Variants in ADGRL2 observed in about 807,000 individuals in gnomAD.
ADGRL2 encodes the protein adhesion G protein-coupled receptor L2.
A neutral mutation model predicts 157.4 loss-of-function variants in ADGRL2; 44 were observed. The ratio of observed to expected loss-of-function variants is 0.28; its 90% CI spans 0.22 to 0.36. ADGRL2 has a LOEUF of 0.36. Ranked by LOEUF, ADGRL2 falls within the 10% of genes least tolerant of loss-of-function variation. The pLI is 1.00. For synonymous variants in ADGRL2, 585 were observed against 624.7 expected (o/e 0.94, Z 0.95); for missense variants, 1,510 against 1,768.9 (o/e 0.85, Z 2.63).
chr1:81,697,437 C>T (rs80336634), upstream of ADGRL2, among the ~76,000 whole-genome samples: 2 of 152,086 alleles, frequency 1.3e-5, no homozygotes, highest in Non-Finnish European at 2.9e-5. Context: ...CTGAGACATG[C>T]ACTAGCACTT....
In ADGRL2 at chr1:81,401,719, G is replaced by T. The variant is rs757332437; in HGVS notation, c.-301-43317G>T. 2.0e-5 allele frequency among the ~76,000 whole-genome samples: 3 copies of T among 152,080 alleles called. No homozygotes were observed. In the South Asian group the frequency reaches 6.2e-4, roughly 32 times the overall value. On this transcript the variant is annotated intron_variant, in intron 1 of 24. Coordinates refer to the ADGRL2 transcript ENST00000370721. ...GTGAACCTCAGGAAATGTCTTAGTT[G>T]TCCCTGAAGTCACTAAGCAGCATCT...
rs573845907 is a variant in ADGRL2 at position 81,663,410 on chromosome 1, C to G, written c.-143+82430C>G. ...ACGAATAGAGTAGTTAAGCTTCTATCAGCTGGCCCTTCTTTGAGTTCATAT... is the reference window on the plus strand; with the variant it reads ...ACGAATAGAGTAGTTAAGCTTCTATGAGCTGGCCCTTCTTTGAGTTCATAT... On this transcript the variant is annotated intron_variant, in intron 3 of 24. Transcript: ENST00000370721. Among the ~76,000 whole-genome samples, 93 of 152,270 alleles carry G rather than the reference C, an allele frequency of 6.1e-4. 1 individual carries two copies. Among genetic ancestry groups the G allele is most frequent in the African/African-American group, 1.9e-3 (80 of 41,550 alleles).
At chr1:81,436,634 T>G (rs143234099) in intron 1 of ADGRL2, among the ~76,000 whole-genome samples, 247 of 152,314 alleles carry the variant, frequency 1.6e-3, no homozygotes, top group Middle Eastern at 0.01. Context: ...GAGGCCCAGA[T>G]GAAATCAATA....
chr1:81,462,369 C>T (rs535825287), intron 2 of ADGRL2, among the ~76,000 whole-genome samples: 1 of 152,190 alleles, frequency 6.6e-6, no homozygotes, highest in African/African-American at 2.4e-5. Flanking sequence ...TGCTGCTACT[C>T]AGTCTTTGGG....
intron 2 of ADGRL2, chr1:81,501,811 A>ACCAGCAG: frequency 2.6e-6 from 4 of 1,558,334 alleles, no homozygotes; most frequent in Non-Finnish European, 3.5e-6. Flanking sequence ...AGCAGCAGCA[A>ACCAGCAG]CAGCAGCAGC....
chr1:81,806,267 T>C (rs759122716), intron 1 of ADGRL2, among the ~76,000 whole-genome samples: 21 of 152,000 alleles, frequency 1.4e-4, no homozygotes, highest in Non-Finnish European at 2.7e-4. Context: ...CCAAATGTTA[T>C]AAAAACTAAT....
chr1:81,419,694 A>G (rs2077092754), intron 1 of ADGRL2, among the ~76,000 whole-genome samples: 1 of 152,332 alleles, frequency 6.6e-6, no homozygotes, highest in African/African-American at 2.4e-5. Context: ...ACTATGGACA[A>G]TGCTTCAGAA....
chr1:81,623,038 A>G (rs1424042224), intron 3 of ADGRL2, among the ~76,000 whole-genome samples: 3 of 152,192 alleles, frequency 2.0e-5, no homozygotes, highest in Non-Finnish European at 4.4e-5. Context: ...AATATCACCT[A>G]GTGATCTTAA....
Position 81,743,454 on chromosome 1 carries a change from AT to A in ADGRL2, c.-142-18349del, listed in dbSNP as rs534239258. Reference sequence around the variant, plus strand: ...GAAGTTATTTAAAATTATAGTTCACATTTTTTTTCTCCATTTCTCAGAATTG... The same window carrying A: ...GAAGTTATTTAAAATTATAGTTCACATTTTTTTCTCCATTTCTCAGAATTG... On this transcript the variant is annotated intron_variant, in intron 1 of 20. Transcript: ENST00000359929. Among the ~76,000 whole-genome samples, 33 of 149,010 alleles carry A rather than the reference AT, an allele frequency of 2.2e-4. 1 individual carries two copies. The East Asian group carries it at 2.5e-3, about 11-fold the overall frequency.
At chr1:81,954,863 T>G (rs1407064605) in intron 10 of ADGRL2, among the ~76,000 whole-genome samples, 4 of 152,216 alleles carry the variant, frequency 2.6e-5, no homozygotes, top group African/African-American at 9.6e-5. Context: ...ATTTTTATTG[T>G]TGTTCTTTTT....
intron 2 of ADGRL2, among the ~76,000 whole-genome samples, chr1:81,525,074 C>A (rs1003913410): frequency 1.3e-5 from 2 of 151,968 alleles, no homozygotes; most frequent in Non-Finnish European, 2.9e-5. Context: ...GAATTAGAAC[C>A]TTTTGAGGTC....
intron 2 of ADGRL2, among the ~76,000 whole-genome samples, chr1:81,527,584 C>T (rs1053465046): frequency 1.3e-5 from 2 of 151,996 alleles, no homozygotes; most frequent in African/African-American, 2.4e-5. Flanking sequence ...TGGTGGCAGT[C>T]GCCTGTAATC....
At chr1:81,905,099 C>CT (rs199618498) in intron 2 of ADGRL2, among the ~76,000 whole-genome samples, 1,993 of 142,844 alleles carry the variant, frequency 0.014, 28 homozygotes, top group South Asian at 0.073. Flanking sequence ...CCTTACTATA[C>CT]TTTTTTTTTT....
chr1:81,387,050 CT>C (rs1387636537), intron 1 of ADGRL2, among the ~76,000 whole-genome samples: 1 of 152,062 alleles, frequency 6.6e-6, no homozygotes, highest in Non-Finnish European at 1.5e-5. Flanking sequence ...ATAGTTCTGA[CT>C]TTTATGAGAG....
intron 2 of ADGRL2, among the ~76,000 whole-genome samples, chr1:81,539,960 T>C (rs2079842675): frequency 6.6e-6 from 1 of 152,216 alleles, no homozygotes; most frequent in Admixed American, 6.5e-5. Context: ...TCTAAGAATC[T>C]AGAGAATCTA....
chr1:81,659,213 C>A (rs1438915109), intron 3 of ADGRL2, among the ~76,000 whole-genome samples: 1 of 151,882 alleles, frequency 6.6e-6, no homozygotes, highest in Admixed American at 6.6e-5. Flanking sequence ...AGGTATGCAC[C>A]ATCACGGCCG....
At chr1:81,328,855 A>C (rs555769055) in intron 1 of ADGRL2, among the ~76,000 whole-genome samples, 8 of 152,092 alleles carry the variant, frequency 5.3e-5, no homozygotes, top group Admixed American at 2.6e-4. Context: ...ATCAAAGGGC[A>C]CAGAAGCGCT....
intron 2 of ADGRL2, among the ~76,000 whole-genome samples, chr1:81,878,597 A>G (rs1193226314): frequency 2.0e-5 from 3 of 152,174 alleles, no homozygotes; most frequent in African/African-American, 7.2e-5. Context: ...ACACTAGCAG[A>G]TGGTCACTTT....
At chr1:81,794,207 T>G (rs1238517257) in intron 2 of ADGRL2, among the ~76,000 whole-genome samples, 1 of 152,168 alleles carries the variant, frequency 6.6e-6, no homozygotes, top group East Asian at 1.9e-4. Context: ...CAATTAAAAA[T>G]ATATAGTTTG....
Sources: gnomAD v4.1 joint callset for allele counts (sites outside exome capture counted in the v4.1 genomes callset) on GRCh38, gnomAD v4.1.1 for gene constraint, MANE v1.5 for transcripts, NCBI Gene and HGNC (gene_info 2026-07-23, HGNC 2026-07-21) for gene names.